UBTF: variants seen among roughly 807,000 people sequenced by gnomAD.
The protein encoded by UBTF is nucleolar transcription factor 1.
A neutral mutation model predicts 112.3 loss-of-function variants in UBTF; 8 were observed. The observed-to-expected ratio is 0.07, with a 90% CI of 0.04 to 0.13. The LOEUF (loss-of-function observed/expected upper bound fraction) is 0.13. Among genes scored for constraint, UBTF ranks in the 10% least tolerant of loss-of-function variants. UBTF has a pLI of 1.00. For missense variants in UBTF, 457 were observed against 982.1 expected (o/e 0.47, Z 7.15); for synonymous variants, 417 against 373.1 (o/e 1.12, Z -1.36).
chr17:44,214,408 C>T (rs964393436), intron 5 of UBTF, among the ~76,000 whole-genome samples: 1 of 152,250 alleles, frequency 6.6e-6, no homozygotes, highest in African/African-American at 2.4e-5. Flanking sequence ...GCCCCATACA[C>T]AGCGGTTCAG....
chr17:44,212,661 G>A (rs1369881438), intron 7 of UBTF, among the ~76,000 whole-genome samples, 158 bp downstream of exon 7: 3 of 151,958 alleles, frequency 2.0e-5, no homozygotes, highest in African/African-American at 4.8e-5. Flanking sequence ...ACACGCACAC[G>A]CTTGCACGCC....
At chr17:44,213,365 C>T in intron 5 of UBTF, 83 bp from the exon 6 acceptor site, 1 of 1,421,182 alleles carries the variant, frequency 7.0e-7, no homozygotes, top group Non-Finnish European at 9.6e-7. Flanking sequence ...CCCCTCCTCG[C>T]TGGCTCTTCT....
chr17:44,212,576 A>G (rs1306907575), intron 7 of UBTF, 122 bp from the exon 8 acceptor site: 1 of 1,033,028 alleles, frequency 9.7e-7, no homozygotes, highest in Non-Finnish European at 1.4e-6. Context: ...AGTGTCCCCC[A>G]CAGGCCAGGA....
At position 44,207,856 on chromosome 17, in the gene UBTF, A is replaced by G. The variant is rs1567787664; in HGVS notation, c.1953+8T>C. On this transcript the variant is annotated splice_region_variant and intron_variant, in intron 18 of 20. Transcript: ENST00000436088. ...CCTACCCCACTGCTGCTCTGCTCCC[A>G]GACTCACATTGGAGATGTACTCTTT... is the stretch of plus-strand genomic sequence containing the variant. The G allele has an allele frequency of 6.2e-7, 1 of 1,613,912 alleles. No individual in the cohort carries two copies. The highest frequency in any genetic ancestry group is 1.1e-5 in the South Asian group (1 of 91,074).
At chr17:44,207,987 C>G in intron 17 of UBTF, 76 bp from the exon 18 acceptor site, 1 of 1,591,246 alleles carries the variant, frequency 6.3e-7, no homozygotes, top group Non-Finnish European at 8.6e-7. Context: ...CAGTGCTAGG[C>G]AGTGGGCTGA....
intron 1 of UBTF, 117 bp from the exon 2 acceptor site, chr17:44,218,413 C>CTTA: frequency 1.6e-6 from 1 of 618,518 alleles, no homozygotes; most frequent in Non-Finnish European, 2.8e-6. Flanking sequence ...CAGCCATGAC[C>CTTA]TTATTAGACT....
At position 44,211,311 on chromosome 17, in the gene UBTF, C is replaced by T. The variant is rs1479743657; in HGVS notation, c.1068G>A (p.Val356=). ...TCACCTCGAGGAAACGGAGCAGCTC[C>T]ACCTCGTAATCTTTCTTTTTCTGGG... The part of the protein sequence containing the change: ...KCDQKKKDYE[V]ELLRFLESLP... The change falls in exon 11 of 21, where the codon GTG becomes GTA. Residue 356 remains valine (V), a synonymous_variant. Transcript: ENST00000436088. This position sits in a 1 kb window ranked among gnomAD's most constrained non-coding sequence, Gnocchi z 4.9. 6.2e-7 allele frequency: 1 copy of T among 1,614,116 alleles called. No individual in the cohort carries two copies. The highest frequency in any genetic ancestry group is 8.5e-7 in the Non-Finnish European group (1 of 1,180,050).
chr17:44,206,775 T>C lies in UBTF; in HGVS notation c.*467A>G, dbSNP rs561579481. On this transcript the variant is annotated 3_prime_UTR_variant, in exon 21 of 21. Coordinates refer to ENST00000436088, the MANE Select transcript of UBTF (RefSeq NM_014233.4). ...AAGGCACCGACCCTCCTCCTCCCCA[T>C]GTTCCCTGCCTCCAGTTCCAATGCA... The C allele has an allele frequency of 1.1e-5, 2 of 189,258 alleles. No individual in the cohort carries two copies. The highest frequency in any genetic ancestry group is 1.6e-4 in the South Asian group (1 of 6,362). The allele number at this position is 189,258 out of a possible 1,614,324, so 11.7% of individuals were successfully genotyped here.
chr17:44,213,201 G>A lies in UBTF; in HGVS notation c.539+17C>T. On this transcript the variant is annotated intron_variant, in intron 6 of 20. Transcript: ENST00000436088. The stretch of plus-strand genomic sequence containing the variant: ...CCCCAGTGCCCCGTGGCCCTCCTCT[G>A]GGCTCCACTGCCTTACCTGAATCGG... 1 of 1,612,176 alleles carries A rather than the reference G, an allele frequency of 6.2e-7. No homozygotes were observed. The highest frequency in any genetic ancestry group is 8.5e-7 in the Non-Finnish European group (1 of 1,178,918).
upstream of UBTF, among the ~76,000 whole-genome samples, chr17:44,220,150 G>A (rs565298630): frequency 6.6e-6 from 1 of 150,948 alleles, no homozygotes; most frequent in Admixed American, 6.6e-5. Context: ...CGGAGCCTAG[G>A]CGGGCGGGCG....
chr17:44,217,335 CA>C (rs760789675), intron 2 of UBTF, among the ~76,000 whole-genome samples: 65 of 152,238 alleles, frequency 4.3e-4, no homozygotes, highest in Admixed American at 7.2e-4. Flanking sequence ...AGCTCTGAGG[CA>C]AGGTAGGCAG....
intron 13 of UBTF, 35 bp from the exon 14 acceptor site, chr17:44,210,508 AC>A (rs758044493): frequency 4.1e-5 from 63 of 1,530,180 alleles, no homozygotes; most frequent in African/African-American, 1.4e-5. Flanking sequence ...CCTTCCACCC[AC>A]CCCCAGGGGG....
At chr17:44,212,597 G>A in intron 7 of UBTF, 143 bp from the exon 8 acceptor site, 1 of 1,026,590 alleles carries the variant, frequency 9.7e-7, no homozygotes, top group Non-Finnish European at 1.4e-6. Flanking sequence ...GGGGAAGGCG[G>A]AGAGGCGGGG....
rs1454412778 is a variant in UBTF, at chr17:44,211,270, C to T, written c.1089+20G>A. The stretch of plus-strand genomic sequence containing the variant: ...AGTCCCAGTCTTCTCTGCCCACTGC[C>T]CCACCGGAGGAACACTCACCTCGAG... On this transcript the variant is annotated intron_variant, in intron 11 of 20. Coordinates refer to ENST00000436088, the MANE Select transcript of UBTF (RefSeq NM_014233.4). The surrounding 1 kb of genome is among the most constrained non-coding windows in gnomAD (Gnocchi z 4.9). 6.2e-7 allele frequency: 1 copy of T among 1,614,250 alleles called. No individual in the cohort carries two copies. The highest frequency in any genetic ancestry group is 1.6e-4 in the Middle Eastern group (1 of 6,062).
At chr17:44,218,579 C>A (rs2046969652) in intron 1 of UBTF, 1 of 228,310 alleles carries the variant, frequency 4.4e-6, no homozygotes, top group Non-Finnish European at 7.7e-6. Flanking sequence ...CTCCGCCCCG[C>A]TTCCCAACCC....
At chr17:44,209,306 A>C in intron 17 of UBTF, 46 bp downstream of exon 17, 2 of 1,543,636 alleles carry the variant, frequency 1.3e-6, no homozygotes, top group Non-Finnish European at 1.8e-6. Flanking sequence ...GTGCTGGCTT[A>C]GTCTGATGCC....
At chr17:44,207,659 C>A (rs746296604) in intron 19 of UBTF, 40 bp downstream of exon 19, 239 of 1,614,068 alleles carry the variant, frequency 1.5e-4, no homozygotes, top group Non-Finnish European at 2.0e-4. Flanking sequence ...CAGGCAGTGC[C>A]CCCCGCCCCA....
At chr17:44,210,609 C>G (rs567402315) in intron 13 of UBTF, 136 bp from the exon 14 acceptor site, 15 of 1,389,446 alleles carry the variant, frequency 1.1e-5, no homozygotes, top group Middle Eastern at 2.6e-4. Flanking sequence ...GGCTCGCCCC[C>G]GCCTGGTCTG....
Position 44,218,594 on chromosome 17 carries a change from C to CAAAAAAAAAA in UBTF, c.-67-308_-67-299dup, listed in dbSNP as rs71160095. 29 of 83,980 alleles carry CAAAAAAAAAA rather than the reference C, an allele frequency of 3.5e-4. 1 individual carries two copies. The highest frequency in any genetic ancestry group is 2.6e-3 in the East Asian group (5 of 1,958). 5.2% of individuals were successfully genotyped at this position (83,980 alleles called of 1,614,324 possible). A position where few individuals can be genotyped will look rare whatever the true frequency, so the allele number is the denominator to read the frequency against. ...CTCCGCCCCGCTTCCCAACCCCAGC[C>CAAAAAAAAAA]AAAAAAAAAAAAAAAGAAAAAATCT... On this transcript the variant is annotated intron_variant, in intron 1 of 20. Transcript: ENST00000436088.
Sources: gnomAD v4.1 joint callset for allele counts (sites outside exome capture counted in the v4.1 genomes callset) on GRCh38, gnomAD v4.1.1 for gene constraint, Gnocchi (gnomAD v3.1) non-coding constraint, MANE v1.5 for transcripts, NCBI Gene and HGNC (gene_info 2026-07-23, HGNC 2026-07-21) for gene names.